Variants in SUFU observed in about 807,000 individuals in gnomAD.
The protein encoded by SUFU is suppressor of fused homolog.
In SUFU, 7 loss-of-function variants were observed where a neutral mutation model predicts 58.9. The ratio of observed to expected loss-of-function variants is 0.12; its 90% CI spans 0.07 to 0.22. The LOEUF (loss-of-function observed/expected upper bound fraction) is 0.22, where lower values mean the gene tolerates loss of function less well. Among genes scored for constraint, SUFU ranks in the 10% least tolerant of loss-of-function variants. The probability of loss-of-function intolerance (pLI) is 1.00; values close to 1 mark genes in which losing one functional copy is unlikely to be tolerated. For missense variants in SUFU, 451 were observed against 641.3 expected (o/e 0.70, Z 3.20); for synonymous variants, 232 against 254.8 (o/e 0.91, Z 0.85).
intron 3 of SUFU, among the ~76,000 whole-genome samples, chr10:102,550,599 T>C (rs2062902509): frequency 6.6e-6 from 1 of 152,206 alleles, no homozygotes; most frequent in South Asian, 2.1e-4. Context: ...CTGAACTACC[T>C]GGAGAGCTTG....
At chr10:102,591,860 G>A (rs11191347) in intron 3 of SUFU, among the ~76,000 whole-genome samples, 45,857 of 151,984 alleles carry the variant, frequency 0.3, 7,217 homozygotes, top group Admixed American at 0.36. Context: ...CTAAAGTAAC[G>A]TACCTGCTTG....
intron 2 of SUFU, among the ~76,000 whole-genome samples, chr10:102,533,427 AG>A (rs2062700019): frequency 6.6e-6 from 1 of 151,206 alleles, no homozygotes. Context: ...AAAAAAAATT[AG>A]CCAAGCATGG....
At chr10:102,548,070 G>C (rs906393878) in intron 2 of SUFU, among the ~76,000 whole-genome samples, 2 of 152,126 alleles carry the variant, frequency 1.3e-5, no homozygotes, top group African/African-American at 4.8e-5. Context: ...AGGATCGCTT[G>C]AGCCCCCAGG....
intron 2 of SUFU, among the ~76,000 whole-genome samples, chr10:102,519,724 A>C (rs1436638288): frequency 6.6e-6 from 1 of 152,106 alleles, no homozygotes; most frequent in South Asian, 2.1e-4. Context: ...GTCATTTAAA[A>C]TTTTTTAAAT....
chr10:102,546,142 G>A (rs2062852187), intron 2 of SUFU, among the ~76,000 whole-genome samples: 1 of 152,174 alleles, frequency 6.6e-6, no homozygotes, highest in South Asian at 2.1e-4. Context: ...ATGTGTTCTT[G>A]TCTTTGGTTT....
Position 102,509,151 on chromosome 10 carries a change from G to C in SUFU, c.183-18G>C, listed in dbSNP as rs796420203. 4 of 1,613,608 alleles carry C rather than the reference G, an allele frequency of 2.5e-6. No homozygotes were observed. In the South Asian group the frequency reaches 4.4e-5, roughly 18 times the overall value. On this transcript the variant is annotated intron_variant, in intron 1 of 11. Coordinates refer to ENST00000369902, the MANE Select transcript of SUFU (RefSeq NM_016169.4). Reference sequence around the variant, plus strand: ...TTTCCAGGCTTACACTAACACCCCTGTGTTTTGTTTTTTGCAGGTTGGGTG... The same window carrying C: ...TTTCCAGGCTTACACTAACACCCCTCTGTTTTGTTTTTTGCAGGTTGGGTG...
chr10:102,577,073 A>ATT (rs1235023730), intron 3 of SUFU, among the ~76,000 whole-genome samples: 1 of 82,490 alleles, frequency 1.2e-5, no homozygotes, highest in East Asian at 4.1e-4. Flanking sequence ...CATGTCCTGG[A>ATT]TTTTTTCTTT....
chr10:102,542,444 AT>A lies in SUFU; in HGVS notation c.318-7517del, dbSNP rs1157976114. Among the ~76,000 whole-genome samples the A allele has an allele frequency of 2.7e-3, 326 of 122,524 alleles. 1 individual carries two copies. Among genetic ancestry groups the A allele is most frequent in the African/African-American group, 3.1e-3 (111 of 35,398 alleles). The allele number at this position is 122,524 out of a possible 152,430, so 80.4% of individuals were successfully genotyped here. A position where few individuals can be genotyped will look rare whatever the true frequency, so the allele number is the denominator to read the frequency against. On this transcript the variant is annotated intron_variant, in intron 2 of 11. Coordinates refer to ENST00000369902, the MANE Select transcript of SUFU (RefSeq NM_016169.4). ...CTGCGCCCGGCCTATATATATATATATTTTTTTTTAAGTAGAGATGGGGTTT... is the reference window on the plus strand; with the variant it reads ...CTGCGCCCGGCCTATATATATATATATTTTTTTTAAGTAGAGATGGGGTTT...
chr10:102,535,764 C>T (rs1251752360), intron 2 of SUFU, among the ~76,000 whole-genome samples: 2 of 152,122 alleles, frequency 1.3e-5, no homozygotes, highest in Admixed American at 1.3e-4. Context: ...GCATCCAGGC[C>T]ACCCCCAGAG....
chr10:102,535,691 C>A (rs2062730160), intron 2 of SUFU, among the ~76,000 whole-genome samples: 1 of 152,058 alleles, frequency 6.6e-6, no homozygotes, highest in South Asian at 2.1e-4. Context: ...AACCCTGGTA[C>A]CTTTGCAGGG....
At chr10:102,557,457 G>A (rs1251955614) in intron 3 of SUFU, among the ~76,000 whole-genome samples, 1 of 151,974 alleles carries the variant, frequency 6.6e-6, no homozygotes, top group Admixed American at 6.6e-5. Context: ...GCTAGGCATG[G>A]TGGCATGCAT....
At position 102,632,078 on chromosome 10, in the gene SUFU, ACT is replaced by A. The variant is rs1234931309; in HGVS notation, c.*1930_*1931del. ...GCCACCATGACCAGCCTCTCCCTGA[ACT>A]CTCTCTTGCTCGGGACCTGCCTGAG... On this transcript the variant is annotated 3_prime_UTR_variant, in exon 12 of 12. Transcript: ENST00000369902. 1.3e-5 allele frequency: 3 copies of A among 232,634 alleles called. No homozygotes were observed. Among genetic ancestry groups the A allele is most frequent in the South Asian group, 1.8e-4 (1 of 5,500 alleles). The allele number at this position is 232,634 out of a possible 1,614,324, so 14.4% of individuals were successfully genotyped here. A position where few individuals can be genotyped will look rare whatever the true frequency, so the allele number is the denominator to read the frequency against.
chr10:102,524,187 G>T (rs532694181), intron 2 of SUFU, among the ~76,000 whole-genome samples: 7 of 152,034 alleles, frequency 4.6e-5, no homozygotes, highest in African/African-American at 1.7e-4. Context: ...ATATATATTT[G>T]TATAGTCAGG....
At chr10:102,522,765 C>T (rs1348724892) in intron 2 of SUFU, among the ~76,000 whole-genome samples, 1 of 152,224 alleles carries the variant, frequency 6.6e-6, no homozygotes, top group Non-Finnish European at 1.5e-5. Flanking sequence ...TCGCTGTCCT[C>T]TCTTCTTTGG....
chr10:102,582,683 G>C (rs1353391142), intron 3 of SUFU, among the ~76,000 whole-genome samples: 1 of 152,034 alleles, frequency 6.6e-6, no homozygotes, highest in Admixed American at 6.6e-5. Context: ...TTGGCGGGGA[G>C]GGGAGAGACT....
chr10:102,579,238 A>AT (rs1192197918), intron 3 of SUFU, among the ~76,000 whole-genome samples: 3 of 152,150 alleles, frequency 2.0e-5, no homozygotes, highest in Non-Finnish European at 2.9e-5. Context: ...CCTCACCCTC[A>AT]TTGGGGGGAG....
intron 2 of SUFU, among the ~76,000 whole-genome samples, chr10:102,531,529 T>A (rs2062677810): frequency 6.6e-6 from 1 of 151,988 alleles, no homozygotes; most frequent in African/African-American, 2.4e-5. Context: ...GTCAGTGGGG[T>A]GTACAAAGGG....
intron 3 of SUFU, chr10:102,572,763 G>T: frequency 1.3e-6 from 1 of 753,662 alleles, no homozygotes; most frequent in Non-Finnish European, 2.4e-6. Flanking sequence ...CAGTTTAAAT[G>T]ATCCCAATTT....
In SUFU at chr10:102,622,115, C is replaced by A. The variant is rs185895226; in HGVS notation, c.1296+4687C>A. ...GCTGCTGGCCTAGATTCCAAGCCCC[C>A]CTCCCTGGCCAAAGGTGGGAACTGG... is the stretch of plus-strand genomic sequence containing the variant. On this transcript the variant is annotated intron_variant, in intron 10 of 11. Transcript: ENST00000369902. 4.4e-3 allele frequency among the ~76,000 whole-genome samples: 672 copies of A among 152,298 alleles called. 7 individuals carry two copies. Among genetic ancestry groups the A allele is most frequent in the African/African-American group, 0.015 (640 of 41,554 alleles).
Sources: gnomAD v4.1 joint callset for allele counts (sites outside exome capture counted in the v4.1 genomes callset) on GRCh38, gnomAD v4.1.1 for gene constraint, MANE v1.5 for transcripts, NCBI Gene and HGNC (gene_info 2026-07-23, HGNC 2026-07-21) for gene names.